Variants in GLIS3 observed in about 807,000 individuals in gnomAD.
The protein encoded by GLIS3 is GLIS family zinc finger 3.
GLIS3 carries 53 observed loss-of-function variants against 78.6 expected under a neutral mutation model. The observed-to-expected ratio is 0.67, with a 90% CI of 0.54 to 0.85. The LOEUF (loss-of-function observed/expected upper bound fraction) is 0.85. GLIS3 is among the 40% of genes least tolerant of loss of function. GLIS3 has a pLI of 0.00. For synonymous variants in GLIS3, 684 were observed against 509.9 expected (o/e 1.34, Z -4.60); for missense variants, 1,703 against 1,231.1 (o/e 1.38, Z -5.74).
At chr9:4,145,927 C>T (rs1198969373) in intron 2 of GLIS3, among the ~76,000 whole-genome samples, 1 of 152,132 alleles carries the variant, frequency 6.6e-6, no homozygotes, top group Non-Finnish European at 1.5e-5. Flanking sequence ...CTAAAAAGGT[C>T]ATTTCCAAGA....
chr9:4,036,177 C>A (rs1290429576), intron 4 of GLIS3, among the ~76,000 whole-genome samples: 4 of 152,200 alleles, frequency 2.6e-5, no homozygotes, highest in African/African-American at 4.8e-5. Flanking sequence ...TTTAACTCCT[C>A]ACCAGCAACA....
intron 4 of GLIS3, among the ~76,000 whole-genome samples, chr9:4,061,468 G>A (rs1229985131): frequency 6.6e-6 from 1 of 151,986 alleles, no homozygotes; most frequent in Admixed American, 6.6e-5. Context: ...TATCATGGAT[G>A]GACATTTGGA....
chr9:3,947,076 C>T (rs1465913906), intron 4 of GLIS3, among the ~76,000 whole-genome samples: 1 of 152,164 alleles, frequency 6.6e-6, no homozygotes, highest in Non-Finnish European at 1.5e-5. Context: ...GCAGGGACTC[C>T]AATCCAGTGT....
At chr9:4,357,809 A>G in the GLIS3 span, among the ~76,000 whole-genome samples, 1 of 152,222 alleles carries the variant, frequency 6.6e-6, no homozygotes, top group South Asian at 2.1e-4. Flanking sequence ...CAGGGCCACC[A>G]CATTGCATAG....
At chr9:4,064,310 T>C (rs1826907310) in intron 4 of GLIS3, among the ~76,000 whole-genome samples, 1 of 152,036 alleles carries the variant, frequency 6.6e-6, no homozygotes, top group South Asian at 2.1e-4. Context: ...TTTAAAAATA[T>C]TAAGCTAAAG....
At chr9:4,166,961 G>A (rs540381064) in intron 2 of GLIS3, among the ~76,000 whole-genome samples, 1 of 152,340 alleles carries the variant, frequency 6.6e-6, no homozygotes, top group South Asian at 2.1e-4. Flanking sequence ...GTGTGTTCCT[G>A]TTTGCGAACA....
chr9:4,027,938 G>C (rs937232639), intron 4 of GLIS3, among the ~76,000 whole-genome samples: 10 of 152,172 alleles, frequency 6.6e-5, no homozygotes, highest in Non-Finnish European at 1.2e-4. Flanking sequence ...CCTCGATCAA[G>C]GTAGAACCCA....
At chr9:4,398,579 T>C in the GLIS3 span, among the ~76,000 whole-genome samples, 14 of 152,050 alleles carry the variant, frequency 9.2e-5, 1 homozygote, top group African/African-American at 3.4e-4. Flanking sequence ...AAGGGCTAGG[T>C]CAGCAGCTCT....
intron 4 of GLIS3, among the ~76,000 whole-genome samples, chr9:3,942,403 C>T (rs1318559932): frequency 6.6e-6 from 1 of 152,070 alleles, no homozygotes; most frequent in Non-Finnish European, 1.5e-5. Flanking sequence ...CACATACAAC[C>T]CAAAGAGAAG....
intron 4 of GLIS3, among the ~76,000 whole-genome samples, chr9:3,985,877 G>A (rs1173007404): frequency 6.6e-6 from 1 of 152,116 alleles, no homozygotes. Context: ...CTAGTTCCTG[G>A]CATTCCCAGT....
rs140472664 is a variant in GLIS3, at chr9:4,253,281, G to A, written c.388+32757C>T. Among the ~76,000 whole-genome samples the A allele has an allele frequency of 7.2e-3, 1,096 of 152,370 alleles. 12 individuals are homozygous for A. Among genetic ancestry groups the A allele is most frequent in the African/African-American group, 0.025 (1,050 of 41,586 alleles). ...TTTTATCTACAAGCCCCTGACTGGG[G>A]CTGCTGCCTTTCTTTAGAGATACCC... On this transcript the variant is annotated intron_variant, in intron 2 of 10. Transcript: ENST00000381971.
chr9:4,043,123 C>T (rs1187328590), intron 4 of GLIS3, among the ~76,000 whole-genome samples: 1 of 152,162 alleles, frequency 6.6e-6, no homozygotes, highest in East Asian at 1.9e-4. Context: ...CCAGCCCCTC[C>T]CCTTCCCACA....
At chr9:4,164,231 C>T (rs1467865271) in intron 2 of GLIS3, among the ~76,000 whole-genome samples, 3 of 152,204 alleles carry the variant, frequency 2.0e-5, no homozygotes, top group Admixed American at 2.0e-4. Flanking sequence ...CTCAGCTTAT[C>T]TCTGTCTCAG....
At chr9:4,461,722 C>A in the GLIS3 span, among the ~76,000 whole-genome samples, 1 of 152,196 alleles carries the variant, frequency 6.6e-6, no homozygotes, top group East Asian at 1.9e-4. Context: ...CGGCTACCAT[C>A]TTCTCTTTTC....
At chr9:4,238,349 G>T (rs1294704495) in intron 2 of GLIS3, among the ~76,000 whole-genome samples, 1 of 152,126 alleles carries the variant, frequency 6.6e-6, no homozygotes. Context: ...TTGGTGGAGA[G>T]GAAGAATATG....
At chr9:4,208,640 G>A (rs1398210237) in intron 2 of GLIS3, among the ~76,000 whole-genome samples, 2 of 152,192 alleles carry the variant, frequency 1.3e-5, no homozygotes, top group African/African-American at 4.8e-5. Flanking sequence ...GAAATTGTCT[G>A]TTAGGGAATA....
intron 2 of GLIS3, among the ~76,000 whole-genome samples, chr9:4,277,093 C>A (rs1255117016): frequency 6.6e-6 from 1 of 152,120 alleles, no homozygotes; most frequent in East Asian, 1.9e-4. Context: ...TGCATCTCTT[C>A]AAAATTGCGG....
chr9:4,257,918 T>C (rs10814902), intron 2 of GLIS3, among the ~76,000 whole-genome samples: 124,337 of 152,096 alleles, frequency 0.82, 51,253 homozygotes, highest in East Asian at 0.98. Flanking sequence ...GTGTTTTACA[T>C]TTTAAGTATA....
intron 2 of GLIS3, among the ~76,000 whole-genome samples, chr9:4,160,197 G>A (rs1835367343): frequency 6.6e-6 from 1 of 152,182 alleles, no homozygotes; most frequent in Admixed American, 6.5e-5. Flanking sequence ...AGGCATAGTA[G>A]GTGAGAGACA....
Sources: allele counts gnomAD v4.1 joint callset (sites outside exome capture counted in the v4.1 genomes callset), GRCh38; gene constraint gnomAD v4.1.1; transcripts MANE v1.5; gene names NCBI Gene and HGNC (gene_info 2026-07-23, HGNC 2026-07-21).